CACNG2: variants seen among roughly 807,000 people sequenced by gnomAD.
The protein encoded by CACNG2 is calcium voltage-gated channel auxiliary subunit gamma 2.
In CACNG2, 3 loss-of-function variants were observed where a neutral mutation model predicts 25.9. The ratio of observed to expected loss-of-function variants is 0.12; its 90% CI spans 0.05 to 0.30. The LOEUF (loss-of-function observed/expected upper bound fraction) is 0.30, where lower values mean the gene tolerates loss of function less well. Among genes scored for constraint, CACNG2 ranks in the 10% least tolerant of loss-of-function variants. The pLI, the probability that CACNG2 is intolerant of heterozygous loss-of-function variation, is 1.00. For synonymous variants in CACNG2, 167 were observed against 173.3 expected (o/e 0.96, Z 0.29); for missense variants, 341 against 432.5 (o/e 0.79, Z 1.88).
intron 1 of CACNG2, among the ~76,000 whole-genome samples, chr22:36,687,006 G>T (rs923605421): frequency 4.3e-4 from 66 of 152,234 alleles, no homozygotes; most frequent in African/African-American, 1.6e-3. Flanking sequence ...AGGCAAAAAT[G>T]TTGTGTGATA....
chr22:36,635,316 A>G (rs1191910622), intron 1 of CACNG2, among the ~76,000 whole-genome samples: 1 of 152,112 alleles, frequency 6.6e-6, no homozygotes, highest in African/African-American at 2.4e-5. Context: ...TGGTCAATCA[A>G]AAAAGAATTT....
intron 1 of CACNG2, among the ~76,000 whole-genome samples, chr22:36,661,306 G>A (rs1363459863): frequency 6.6e-6 from 1 of 152,220 alleles, no homozygotes; most frequent in Non-Finnish European, 1.5e-5. Context: ...GAGATCGCAT[G>A]TTAGATGGAA....
At chr22:36,668,184 T>C (rs74810523) in intron 1 of CACNG2, among the ~76,000 whole-genome samples, 3,388 of 152,310 alleles carry the variant, frequency 0.022, 62 homozygotes, top group African/African-American at 0.037. Flanking sequence ...TGTTTCTGAC[T>C]CCTGGCTGTC....
chr22:36,582,688 C>T (rs1267870260), intron 2 of CACNG2, among the ~76,000 whole-genome samples: 3 of 151,824 alleles, frequency 2.0e-5, no homozygotes, highest in Non-Finnish European at 4.4e-5. Context: ...AGATTACAGG[C>T]ACCCGCCACC....
chr22:36,691,006 A>ATATG (rs1457252094), intron 1 of CACNG2, among the ~76,000 whole-genome samples: 1 of 151,898 alleles, frequency 6.6e-6, no homozygotes, highest in Non-Finnish European at 1.5e-5. Context: ...CCGCAATAGT[A>ATATG]TAAACCTCAA....
chr22:36,622,499 A>G (rs1249752797), intron 1 of CACNG2, among the ~76,000 whole-genome samples: 1 of 152,230 alleles, frequency 6.6e-6, no homozygotes, highest in Admixed American at 6.5e-5. Flanking sequence ...TAGAATAGGA[A>G]AGGAGAGTTT....
At chr22:36,643,023 C>T (rs1010101860) in intron 1 of CACNG2, among the ~76,000 whole-genome samples, 4 of 130,794 alleles carry the variant, frequency 3.1e-5, no homozygotes, top group Admixed American at 7.9e-5. Context: ...CTCCCTTCTT[C>T]CCTCCCTCCC....
intron 1 of CACNG2, among the ~76,000 whole-genome samples, chr22:36,594,531 G>A (rs1264260128): frequency 6.6e-6 from 1 of 152,168 alleles, no homozygotes; most frequent in Non-Finnish European, 1.5e-5. Flanking sequence ...ACAGAGGAGA[G>A]TGGAGCGTGT....
intron 1 of CACNG2, among the ~76,000 whole-genome samples, chr22:36,615,580 G>A (rs1028144454): frequency 8.5e-5 from 13 of 152,146 alleles, no homozygotes; most frequent in Non-Finnish European, 1.9e-4. Context: ...CCCCCAGCTG[G>A]GTTAATTTTC....
chr22:36,563,055 A>G lies in CACNG2; in HGVS notation c.*1296T>C, dbSNP rs1935055237. ...GGAAAAGAATTAAAAGAAAAATACT[A>G]TCTGATTTTCTTGCAAGTAAATCCA... On this transcript the variant is annotated 3_prime_UTR_variant, in exon 4 of 4. Coordinates refer to ENST00000300105, the MANE Select transcript of CACNG2 (RefSeq NM_006078.5). The G allele has an allele frequency of 6.6e-6, 1 of 151,750 alleles. No individual in the cohort carries two copies. Among genetic ancestry groups the G allele is most frequent in the South Asian group, 2.1e-4 (1 of 4,820 alleles). 9.4% of individuals were successfully genotyped at this position (151,750 alleles called of 1,614,324 possible).
At chr22:36,635,728 C>A (rs1476117063) in intron 1 of CACNG2, among the ~76,000 whole-genome samples, 1 of 152,070 alleles carries the variant, frequency 6.6e-6, no homozygotes, top group South Asian at 2.1e-4. Flanking sequence ...CTCCAAGGCA[C>A]CTCAACCCAA....
intron 1 of CACNG2, among the ~76,000 whole-genome samples, chr22:36,623,889 C>T (rs1288530825): frequency 6.6e-6 from 1 of 152,126 alleles, no homozygotes; most frequent in Non-Finnish European, 1.5e-5. Flanking sequence ...GGGGTTCAGT[C>T]TCATTAACCC....
intron 1 of CACNG2, among the ~76,000 whole-genome samples, chr22:36,635,256 C>T (rs963557415): frequency 6.7e-6 from 1 of 149,884 alleles, no homozygotes; most frequent in Admixed American, 6.6e-5. Context: ...TGCACTCCAG[C>T]CTGGGCAACA....
intron 1 of CACNG2, among the ~76,000 whole-genome samples, chr22:36,620,799 C>T (rs756409584): frequency 2.6e-5 from 4 of 152,226 alleles, no homozygotes; most frequent in Non-Finnish European, 5.9e-5. Flanking sequence ...TTACCAGGTT[C>T]TGTCTTGTAT....
chr22:36,631,706 T>C (rs890931315), intron 1 of CACNG2, among the ~76,000 whole-genome samples: 1 of 151,688 alleles, frequency 6.6e-6, no homozygotes, highest in African/African-American at 2.4e-5. Context: ...ACAGGCAAAC[T>C]AGCTGGAACT....
intron 1 of CACNG2, among the ~76,000 whole-genome samples, chr22:36,612,878 T>C (rs901498522): frequency 7.9e-5 from 12 of 152,222 alleles, no homozygotes; most frequent in Non-Finnish European, 1.5e-4. Context: ...GTTTACCGGC[T>C]GCAGGTATTT....
intron 1 of CACNG2, among the ~76,000 whole-genome samples, chr22:36,651,432 T>C (rs1244573717): frequency 1.3e-5 from 2 of 151,944 alleles, no homozygotes; most frequent in Non-Finnish European, 2.9e-5. Flanking sequence ...TTTTACCATG[T>C]TGGCCTGGCT....
intron 1 of CACNG2, among the ~76,000 whole-genome samples, chr22:36,643,489 T>TATCC (rs927851151): frequency 2.1e-5 from 3 of 146,286 alleles, no homozygotes; most frequent in African/African-American, 7.4e-5. Context: ...TCTATCTATC[T>TATCC]ATCTATCTAT....
At chr22:36,669,836 C>T (rs999909661) in intron 1 of CACNG2, among the ~76,000 whole-genome samples, 1 of 152,082 alleles carries the variant, frequency 6.6e-6, no homozygotes, top group Non-Finnish European at 1.5e-5. Flanking sequence ...TCTCAGCCTC[C>T]GGAGTAGCTG....
Sources: allele counts gnomAD v4.1 joint callset (sites outside exome capture counted in the v4.1 genomes callset), GRCh38; gene constraint gnomAD v4.1.1; transcripts MANE v1.5; gene names NCBI Gene and HGNC (gene_info 2026-07-23, HGNC 2026-07-21).